PPM1E: variants seen among roughly 807,000 people sequenced by gnomAD.
The protein encoded by PPM1E is protein phosphatase, Mg2+/Mn2+ dependent 1E, also known as protein phosphatase 1E.
Under a neutral mutation model 65.9 loss-of-function variants are expected in PPM1E, and 20 were observed. The ratio of observed to expected loss-of-function variants is 0.30; its 90% CI spans 0.21 to 0.44. The LOEUF (loss-of-function observed/expected upper bound fraction) is 0.44. Ranked by LOEUF, PPM1E falls within the 20% of genes least tolerant of loss-of-function variation. The pLI, the probability that PPM1E is intolerant of heterozygous loss-of-function variation, is 1.00. For missense variants in PPM1E, 713 were observed against 953.1 expected, an observed-to-expected ratio of 0.75 and a Z score of 3.32; for synonymous variants, 352 against 374.9, an observed-to-expected ratio of 0.94 and a Z score of 0.70.
At chr17:58,758,091 T>C (rs914454402) in intron 1 of PPM1E, among the ~76,000 whole-genome samples, 2 of 152,194 alleles carry the variant, frequency 1.3e-5, no homozygotes, top group Non-Finnish European at 2.9e-5. Flanking sequence ...CCTTTACAAA[T>C]GCAGTTTGCA....
At chr17:58,859,272 C>T (rs919712250) in intron 1 of PPM1E, among the ~76,000 whole-genome samples, 1 of 152,184 alleles carries the variant, frequency 6.6e-6, no homozygotes, top group Non-Finnish European at 1.5e-5. Flanking sequence ...GCCACAAGAC[C>T]TTTCCTGATC....
At chr17:58,909,839 G>A (rs2051602571) in intron 1 of PPM1E, among the ~76,000 whole-genome samples, 1 of 149,910 alleles carries the variant, frequency 6.7e-6, no homozygotes. Flanking sequence ...AGATTTCTGG[G>A]TCTGTGATTT....
chr17:58,801,528 G>A (rs1598579739), intron 1 of PPM1E, among the ~76,000 whole-genome samples: 1 of 136,180 alleles, frequency 7.3e-6, no homozygotes, highest in East Asian at 2.3e-4. Context: ...TGCAACTTCC[G>A]CCTCCCTGGT....
rs2049755790 is a variant in PPM1E at position 58,756,045 on chromosome 17, G to A, written c.48G>A (p.Glu16=). The change falls in exon 1 of 7, where the codon GAG becomes GAA. Residue 16 remains glutamate (E), a synonymous_variant. Transcript: ENST00000308249. The part of the protein sequence containing the change: ...PEEKTYRRFL[E]LFLGEFRGPC... ...AGAAAACTTACCGGCGCTTCCTGGAGCTATTCCTGGGCGAGTTTCGCGGAC... is the reference window on the plus strand; with the variant it reads ...AGAAAACTTACCGGCGCTTCCTGGAACTATTCCTGGGCGAGTTTCGCGGAC... The A allele has an allele frequency of 1.9e-6, 3 of 1,613,918 alleles. No individual in the cohort carries two copies. Among genetic ancestry groups the A allele is most frequent in the Non-Finnish European group, 2.5e-6 (3 of 1,179,940 alleles).
intron 1 of PPM1E, among the ~76,000 whole-genome samples, chr17:58,922,994 A>G (rs2051772258): frequency 6.6e-6 from 1 of 152,176 alleles, no homozygotes. Flanking sequence ...TGAATTTTGA[A>G]AAATATTAGG....
At chr17:58,942,873 C>G (rs1052658018) in intron 1 of PPM1E, among the ~76,000 whole-genome samples, 1 of 151,396 alleles carries the variant, frequency 6.6e-6, no homozygotes, top group Non-Finnish European at 1.5e-5. Context: ...AAAAGATACT[C>G]AATTCTGCCT....
intron 1 of PPM1E, among the ~76,000 whole-genome samples, chr17:58,876,576 A>G (rs867811321): frequency 6.6e-6 from 1 of 152,202 alleles, no homozygotes; most frequent in Non-Finnish European, 1.5e-5. Context: ...TGTTATTTCT[A>G]ATCCTCTTCC....
At chr17:58,890,128 C>A (rs1290632454) in intron 1 of PPM1E, among the ~76,000 whole-genome samples, 1 of 152,178 alleles carries the variant, frequency 6.6e-6, no homozygotes, top group Non-Finnish European at 1.5e-5. Context: ...AGCCTCTGTT[C>A]ATGACATTTT....
At chr17:58,937,191 T>G (rs1263159765) in intron 1 of PPM1E, among the ~76,000 whole-genome samples, 1 of 151,868 alleles carries the variant, frequency 6.6e-6, no homozygotes, top group Non-Finnish European at 1.5e-5. Context: ...GAAACAGTAC[T>G]TTCTTGTTTC....
intron 1 of PPM1E, among the ~76,000 whole-genome samples, chr17:58,794,567 C>G (rs2050187916): frequency 6.6e-6 from 1 of 152,104 alleles, no homozygotes; most frequent in Non-Finnish European, 1.5e-5. Flanking sequence ...TTCTCCCACT[C>G]TTCATCTTCC....
At chr17:58,800,398 C>CT (rs2050247645) in intron 1 of PPM1E, among the ~76,000 whole-genome samples, 2 of 151,846 alleles carry the variant, frequency 1.3e-5, no homozygotes, top group Non-Finnish European at 2.9e-5. Flanking sequence ...TTCTCTCTTC[C>CT]TTTTTTTCTT....
chr17:58,795,347 T>C (rs1185110820), intron 1 of PPM1E, among the ~76,000 whole-genome samples: 1 of 152,142 alleles, frequency 6.6e-6, no homozygotes, highest in East Asian at 1.9e-4. Flanking sequence ...CTGCTAGCAG[T>C]GTGTAAGTGT....
Position 58,981,138 on chromosome 17 carries a change from T to C in PPM1E, c.*107T>C. 1.3e-6 allele frequency: 1 copy of C among 748,388 alleles called. No individual in the cohort carries two copies. Among genetic ancestry groups the C allele is most frequent in the East Asian group, 2.7e-5 (1 of 37,026 alleles). The allele number at this position is 748,388 out of a possible 1,614,324, so 46.4% of individuals were successfully genotyped here. The stretch of plus-strand genomic sequence containing the variant: ...ACATATGTGCTTCATTATGAATCCA[T>C]GGATGGCTCAATTCTTAAATGTAAA... On this transcript the variant is annotated 3_prime_UTR_variant, in exon 7 of 7. Coordinates refer to ENST00000308249, the MANE Select transcript of PPM1E (RefSeq NM_014906.5).
rs573054932 is a variant in PPM1E, at chr17:58,793,424, C to G, written c.464+36963C>G. On this transcript the variant is annotated intron_variant, in intron 1 of 6. Transcript: ENST00000308249. ...AGGCTGGAGTGCAGTGGCGCGATCT[C>G]GGCTCACTGCAAGCTCCGCCTCCCG... 5.7e-4 allele frequency among the ~76,000 whole-genome samples: 86 copies of G among 151,856 alleles called. 1 individual carries two copies. Among genetic ancestry groups the G allele is most frequent in the Middle Eastern group, 6.8e-3 (2 of 292 alleles).
At position 58,983,001 on chromosome 17, in the gene PPM1E, G is replaced by A. The variant is rs1477851777; in HGVS notation, c.*1970G>A. 10 of 1,313,360 alleles carry A rather than the reference G, an allele frequency of 7.6e-6. No homozygotes were observed. The South Asian group carries it at 1.1e-4, about 14-fold the overall frequency. 81.4% of individuals were successfully genotyped at this position (1,313,360 alleles called of 1,614,324 possible). ...AGTGCTTAGCGAAGTAAAAAAAAAAGCTTTTTAAAATTTCTATTGTTGTCT... is the reference window on the plus strand; with the variant it reads ...AGTGCTTAGCGAAGTAAAAAAAAAAACTTTTTAAAATTTCTATTGTTGTCT... On this transcript the variant is annotated 3_prime_UTR_variant, in exon 7 of 7. Transcript: ENST00000308249.
intron 1 of PPM1E, among the ~76,000 whole-genome samples, chr17:58,801,933 T>C (rs1162710378): frequency 6.6e-6 from 1 of 152,046 alleles, no homozygotes; most frequent in Non-Finnish European, 1.5e-5. Context: ...ATTTTTTGTA[T>C]TTTCAGTAGA....
chr17:58,765,503 T>C (rs1217965259), intron 1 of PPM1E, among the ~76,000 whole-genome samples: 1 of 152,082 alleles, frequency 6.6e-6, no homozygotes, highest in Non-Finnish European at 1.5e-5. Context: ...AACAGTATCC[T>C]CATGTGAATT....
rs1170298639 is a variant in PPM1E at position 58,782,399 on chromosome 17, G to GT, written c.464+25943dup. The stretch of plus-strand genomic sequence containing the variant: ...TTCACTTGCAACAATCTTAACTCAG[G>GT]TTTTTGTTTTTTTTTTTTTTGAGAT... On this transcript the variant is annotated intron_variant, in intron 1 of 6. Coordinates refer to ENST00000308249, the MANE Select transcript of PPM1E (RefSeq NM_014906.5). Among the ~76,000 whole-genome samples the GT allele has an allele frequency of 9.0e-5, 13 of 144,976 alleles. 1 individual carries two copies. Among genetic ancestry groups the GT allele is most frequent in the South Asian group, 2.2e-4 (1 of 4,578 alleles).
intron 1 of PPM1E, among the ~76,000 whole-genome samples, chr17:58,850,946 T>C (rs757940243): frequency 6.6e-6 from 1 of 152,216 alleles, no homozygotes; most frequent in Non-Finnish European, 1.5e-5. Context: ...TTTCACGTAG[T>C]CCCATATTTC....
Sources: allele counts gnomAD v4.1 joint callset (sites outside exome capture counted in the v4.1 genomes callset), GRCh38; gene constraint gnomAD v4.1.1; transcripts MANE v1.5; gene names NCBI Gene and HGNC (gene_info 2026-07-23, HGNC 2026-07-21).